The following MAMLD1 variants were observed in gnomAD, a reference collection of about 807,000 sequenced individuals.
MAMLD1 encodes mastermind like domain containing 1, also known as mastermind-like domain-containing protein 1.
In MAMLD1, 14 loss-of-function variants were observed where a neutral mutation model predicts 45.0. That is an observed-to-expected ratio of 0.31 (90% CI 0.21 to 0.49). The LOEUF is 0.49. Ranked by LOEUF, MAMLD1 falls within the 20% of genes least tolerant of loss-of-function variation. The probability of loss-of-function intolerance (pLI) is 0.99; values close to 1 mark genes in which losing one functional copy is unlikely to be tolerated. For missense variants in MAMLD1, 543 were observed against 603.6 expected, an observed-to-expected ratio of 0.90 and a Z score of 1.05; for synonymous variants, 254 against 247.8, an observed-to-expected ratio of 1.02 and a Z score of -0.24.
intron 6 of MAMLD1, chrX:150,503,925 G>A (rs1303975835): frequency 2.3e-5 from 7 of 303,836 alleles, no homozygotes; most frequent in East Asian, 2.2e-4. Flanking sequence ...CTGCACCTCC[G>A]AAGCCCTGCA....
At position 150,471,005 on chromosome X, in the gene MAMLD1, T is replaced by A. The variant is rs782761675; in HGVS notation, c.1432T>A (p.Ser478Thr). ...LPQQSFTPQCSLIRSLTPTSN... is the reference protein window; with the variant it reads ...LPQQSFTPQCTLIRSLTPTSN... Reference sequence around the variant, plus strand: ...ACAGCAGTCCTTCACCCCACAGTGTTCCCTGATCCGAAGCCTCACTCCCAC... The same window carrying A: ...ACAGCAGTCCTTCACCCCACAGTGTACCCTGATCCGAAGCCTCACTCCCAC... The change falls in exon 4 of 8, where the codon TCC (serine) becomes ACC (threonine). Residue 478 changes from serine (S) to threonine (T), a missense_variant. By Grantham distance (58) the Ser-to-Thr change is moderately conservative. Transcript: ENST00000370401. The A allele has an allele frequency of 1.6e-5, 19 of 1,209,940 alleles. No individual in the cohort carries two copies. Among genetic ancestry groups the A allele is most frequent in the Non-Finnish European group, 2.1e-5 (19 of 895,223 alleles).
At chrX:150,397,340 G>A (rs11795546) in intron 1 of MAMLD1, among the ~76,000 whole-genome samples, 5,352 of 111,940 alleles carry the variant, frequency 0.048, 101 homozygotes, top group Middle Eastern at 0.089. Context: ...ATGATGTTGA[G>A]TCCTCCTATT....
At chrX:150,446,862 C>T (rs1425172690) in intron 2 of MAMLD1, among the ~76,000 whole-genome samples, 3 of 112,781 alleles carry the variant, frequency 2.7e-5, no homozygotes, top group South Asian at 3.6e-4. Context: ...TCCCAGAGTC[C>T]GTGATCAGTT....
At chrX:150,403,992 G>GAAAGAAAGAA (rs2033927363) in intron 1 of MAMLD1, among the ~76,000 whole-genome samples, 3 of 93,305 alleles carry the variant, frequency 3.2e-5, no homozygotes, top group Non-Finnish European at 6.6e-5. Flanking sequence ...AAGAAAGAAA[G>GAAAGAAAGAA]AAAGAAGAAA....
At chrX:150,362,381 C>T (rs1420766225), upstream of MAMLD1, among the ~76,000 whole-genome samples, 1 of 110,888 alleles carries the variant, frequency 9.0e-6, no homozygotes, top group Non-Finnish European at 1.9e-5. Context: ...ATCTGTCATT[C>T]CTCTTGCAAG....
At chrX:150,376,632 G>A (rs1472999675) in intron 1 of MAMLD1, among the ~76,000 whole-genome samples, 1 of 111,176 alleles carries the variant, frequency 9.0e-6, no homozygotes, top group Non-Finnish European at 1.9e-5. Context: ...CTGATTTCTA[G>A]CTATCAGATA....
intron 1 of MAMLD1, among the ~76,000 whole-genome samples, chrX:150,373,700 G>A (rs1231406399): frequency 2.7e-5 from 3 of 111,556 alleles, no homozygotes; most frequent in African/African-American, 9.8e-5. Flanking sequence ...TTCTAGACTT[G>A]CCTCCTGCTT....
intron 6 of MAMLD1, among the ~76,000 whole-genome samples, chrX:150,507,117 G>A (rs1334632858): frequency 4.5e-5 from 5 of 111,996 alleles, no homozygotes; most frequent in African/African-American, 1.6e-4. Context: ...ACAGGACGTA[G>A]TGCCACAGTT....
intron 1 of MAMLD1, among the ~76,000 whole-genome samples, chrX:150,425,840 G>A (rs1358270234): frequency 2.7e-5 from 3 of 112,470 alleles, no homozygotes; most frequent in Non-Finnish European, 3.8e-5. Flanking sequence ...TATGTACCTT[G>A]TGGGGTTGTT....
chrX:150,508,367 A>AC (rs2037797810), intron 6 of MAMLD1, among the ~76,000 whole-genome samples: 1 of 27,302 alleles, frequency 3.7e-5, no homozygotes, highest in African/African-American at 1.4e-4. Flanking sequence ...CCCCACCCCC[A>AC]CCCCTTGCCG....
intron 5 of MAMLD1, among the ~76,000 whole-genome samples, chrX:150,494,875 A>T (rs1557408167): frequency 6.0e-4 from 59 of 98,962 alleles, no homozygotes; most frequent in African/African-American, 2.0e-3. Flanking sequence ...CCAGAGTGAT[A>T]CCCTGCCTCA....
chrX:150,494,890 A>AAAACAAAC (rs36010957), intron 5 of MAMLD1, among the ~76,000 whole-genome samples: 112 of 103,112 alleles, frequency 1.1e-3, no homozygotes, highest in Middle Eastern at 5.1e-3. Flanking sequence ...GCCTCAATAC[A>AAAACAAAC]AAACAAACAA....
At chrX:150,390,496 G>A (rs781858038) in intron 1 of MAMLD1, among the ~76,000 whole-genome samples, 6 of 111,965 alleles carry the variant, frequency 5.4e-5, no homozygotes, top group South Asian at 3.7e-4. Flanking sequence ...ATTTACTCTA[G>A]ATATTACAGA....
Position 150,399,631 on chromosome X carries a change from G to C in MAMLD1, c.-64+36101G>C, listed in dbSNP as rs782675217. ...AGAGAAAGCCATATGAAGACAGAGG[G>C]AGAGATAGGAGTGATGCATCTTTAA... On this transcript the variant is annotated intron_variant, in intron 1 of 7. Transcript: ENST00000370401. Among the ~76,000 whole-genome samples, 6 of 111,203 alleles carry C rather than the reference G, an allele frequency of 5.4e-5. No homozygotes were observed. The South Asian group carries it at 2.3e-3, about 43-fold the overall frequency.
At chrX:150,364,666 C>T (rs2031254993) in intron 1 of MAMLD1, among the ~76,000 whole-genome samples, 1 of 112,755 alleles carries the variant, frequency 8.9e-6, no homozygotes, top group Admixed American at 9.2e-5. Context: ...GAACGTGCTG[C>T]TCACGGGTAG....
At chrX:150,375,585 G>A (rs2032273376) in intron 1 of MAMLD1, among the ~76,000 whole-genome samples, 1 of 112,635 alleles carries the variant, frequency 8.9e-6, no homozygotes, top group African/African-American at 3.2e-5. Flanking sequence ...CTCTCCTTTA[G>A]AAAGAGAGAA....
At chrX:150,370,692 C>T (rs180900712) in intron 1 of MAMLD1, among the ~76,000 whole-genome samples, 237 of 111,619 alleles carry the variant, frequency 2.1e-3, no homozygotes, top group Non-Finnish European at 3.6e-3. Flanking sequence ...CTGCCTCCAC[C>T]CCCCCAGCTC....
In MAMLD1 at chrX:150,403,827, A is replaced by AAG. The variant is rs1178451790; in HGVS notation, c.-64+40315_-64+40316dup. ...AAAGGAAGAAAGGAAGAAAGAAAGA[A>AAG]AGAGAGAGAGAGAGAGAGAAAGAGA... On this transcript the variant is annotated intron_variant, in intron 1 of 7. Coordinates refer to ENST00000370401, the MANE Select transcript of MAMLD1 (RefSeq NM_005491.5). Among the ~76,000 whole-genome samples the AAG allele has an allele frequency of 9.8e-3, 1,006 of 103,101 alleles. 12 individuals are homozygous for AAG. Among genetic ancestry groups the AAG allele is most frequent in the Non-Finnish European group, 0.016 (821 of 50,347 alleles). The allele number at this position is 103,101 out of a possible 115,157, so 89.5% of individuals were successfully genotyped here.
Position 150,426,513 on chromosome X carries a change from C to T in MAMLD1, c.-63-18941C>T, listed in dbSNP as rs907541772. On this transcript the variant is annotated intron_variant, in intron 1 of 7. Transcript: ENST00000370401. ...TCTCCATTCCCATATGGCCCCTGTA[C>T]CACAGTTTTGTCTACAGAAGTTTAT... is the stretch of plus-strand genomic sequence containing the variant. Among the ~76,000 whole-genome samples the T allele has an allele frequency of 4.5e-5, 5 of 112,287 alleles. No homozygotes were observed. The Admixed American group carries it at 4.7e-4, about 11-fold the overall frequency.
Sources: allele counts gnomAD v4.1 joint callset (sites outside exome capture counted in the v4.1 genomes callset), GRCh38; gene constraint gnomAD v4.1.1; transcripts MANE v1.5; gene names NCBI Gene and HGNC (gene_info 2026-07-23, HGNC 2026-07-21).